Variants in APBA1 observed in about 807,000 individuals in gnomAD.
APBA1 encodes the protein amyloid-beta A4 precursor protein-binding family A member 1.
In APBA1, 55 loss-of-function variants were observed where a neutral mutation model predicts 86.6. The ratio of observed to expected loss-of-function variants is 0.64; its 90% CI spans 0.51 to 0.80. The LOEUF (loss-of-function observed/expected upper bound fraction) is 0.80. Ranked by LOEUF, APBA1 falls within the 30% of genes least tolerant of loss-of-function variation. The pLI is 0.00. For synonymous variants in APBA1, 511 were observed against 493.9 expected (o/e 1.03, Z -0.46); for missense variants, 1,090 against 1,183.0 (o/e 0.92, Z 1.15).
At chr9:69,623,185 T>C (rs904231701) in intron 1 of APBA1, among the ~76,000 whole-genome samples, 1 of 152,090 alleles carries the variant, frequency 6.6e-6, no homozygotes, top group Non-Finnish European at 1.5e-5. Flanking sequence ...TTTTGAAACA[T>C]GGATCTTGGG....
At chr9:69,561,870 G>A (rs1223060495) in intron 1 of APBA1, among the ~76,000 whole-genome samples, 5 of 151,932 alleles carry the variant, frequency 3.3e-5, no homozygotes, top group African/African-American at 7.3e-5. Flanking sequence ...CAGGTGATCC[G>A]CCCATCTCGG....
chr9:69,512,531 C>CTTTTGTAAGAA, intron 2 of APBA1, among the ~76,000 whole-genome samples: 1 of 152,210 alleles, frequency 6.6e-6, no homozygotes, highest in African/African-American at 2.4e-5. Context: ...CAAAATTCTG[C>CTTTTGTAAGAA]TTTTGTAAGA....
intron 2 of APBA1, among the ~76,000 whole-genome samples, chr9:69,511,924 G>A (rs1029406164): frequency 6.6e-6 from 1 of 151,574 alleles, no homozygotes; most frequent in African/African-American, 2.4e-5. Context: ...GGACTGTGGT[G>A]GGGTGGGGGT....
At chr9:69,576,937 AT>A (rs1020767838) in intron 1 of APBA1, among the ~76,000 whole-genome samples, 5 of 152,152 alleles carry the variant, frequency 3.3e-5, no homozygotes, top group Admixed American at 1.3e-4. Context: ...TAATTTTCAA[AT>A]TTTTTTATTT....
At position 69,516,277 on chromosome 9, in the gene APBA1, C is replaced by T. The variant is rs773906297; in HGVS notation, c.934G>A (p.Asp312Asn). 1.3e-5 allele frequency: 19 copies of T among 1,464,036 alleles called. No individual in the cohort carries two copies. The East Asian group carries it at 1.4e-4, about 10-fold the overall frequency. The allele number at this position is 1,464,036 out of a possible 1,614,324, so 90.7% of individuals were successfully genotyped here. A position where few individuals can be genotyped will look rare whatever the true frequency, so the allele number is the denominator to read the frequency against. ...RPPTPAGGRPDSPGLQAPAGQ... is the reference protein window; with the variant it reads ...RPPTPAGGRPNSPGLQAPAGQ... ...GCCGGCGCCTGCAGCCCGGGGCTGT[C>T]GGGGCGACCCCCGGCCGGGGTAGGG... is the stretch of plus-strand genomic sequence containing the variant. Residue 312 changes from aspartate to asparagine, a missense_variant, in exon 2 of 13, where the codon GAC becomes AAC. This residue lies in a region of APBA1 where 678 missense variants were observed against 647.1 expected (regional missense o/e 1.05). Coordinates refer to ENST00000265381, the MANE Select transcript of APBA1 (RefSeq NM_001163.4). This position sits in a 1 kb window ranked among gnomAD's most constrained non-coding sequence, Gnocchi z 7.3.
intron 1 of APBA1, among the ~76,000 whole-genome samples, chr9:69,556,738 G>A (rs1173516045): frequency 6.6e-6 from 1 of 152,162 alleles, no homozygotes; most frequent in African/African-American, 2.4e-5. Flanking sequence ...GGTGATCAAA[G>A]CCTTAATTTA....
chr9:69,636,979 GAAAGAAAA>G lies in APBA1; in HGVS notation c.-70+35166_-70+35173del, dbSNP rs796750388. ...AGAAAGAAAGAAAGAAAGAAAGAAAGAAAGAAAAATGTGATACATATACACAGTGGAGT... is the reference window on the plus strand; with the variant it reads ...AGAAAGAAAGAAAGAAAGAAAGAAAGATGTGATACATATACACAGTGGAGT... On this transcript the variant is annotated intron_variant, in intron 1 of 12. Transcript: ENST00000265381. Among the ~76,000 whole-genome samples, 417 of 148,164 alleles carry G rather than the reference GAAAGAAAA, an allele frequency of 2.8e-3. 12 individuals carry two copies. The highest frequency in any genetic ancestry group is 5.1e-3 in the Admixed American group (74 of 14,464).
rs563069689 is a variant in APBA1 at position 69,564,891 on chromosome 9, A to C, written c.-69-47612T>G. ...ATCAGTGCTCTTAGCAGCATTATTC[A>C]CAACAGTCAAAAAGTAGAAACGACC... On this transcript the variant is annotated intron_variant, in intron 1 of 12. Transcript: ENST00000265381. Among the ~76,000 whole-genome samples, 3 of 152,318 alleles carry C rather than the reference A, an allele frequency of 2.0e-5. No homozygotes were observed. In the South Asian group the frequency reaches 6.2e-4, roughly 32 times the overall value.
intron 1 of APBA1, among the ~76,000 whole-genome samples, chr9:69,542,780 G>C (rs1421369586): frequency 1.3e-5 from 2 of 152,198 alleles, no homozygotes; most frequent in Non-Finnish European, 2.9e-5. Context: ...GTCCAAGTGT[G>C]GGTGATAAAT....
At chr9:69,436,293 T>A in intron 11 of APBA1, among the ~76,000 whole-genome samples, 1 of 150,384 alleles carries the variant, frequency 6.6e-6, no homozygotes, top group African/African-American at 2.4e-5. Flanking sequence ...AATTTTAAAG[T>A]AGTTTTTTCC....
At chr9:69,671,854 C>A (rs1320661050) in intron 1 of APBA1, among the ~76,000 whole-genome samples, 2 of 152,178 alleles carry the variant, frequency 1.3e-5, no homozygotes, top group Non-Finnish European at 2.9e-5. Flanking sequence ...CACACACTCT[C>A]ACACACTCAC....
At chr9:69,522,307 C>G (rs7865302) in intron 1 of APBA1, among the ~76,000 whole-genome samples, 81,664 of 147,826 alleles carry the variant, frequency 0.55, 23,869 homozygotes, top group Non-Finnish European at 0.66. Context: ...TCCCCCACCC[C>G]TCCCACCCAA....
chr9:69,549,810 T>C (rs1335104856), intron 1 of APBA1, among the ~76,000 whole-genome samples: 5 of 152,210 alleles, frequency 3.3e-5, no homozygotes, highest in Admixed American at 2.0e-4. Flanking sequence ...AAGGCTTACA[T>C]TGGGACAGAG....
chr9:69,439,921 C>T (rs561621813), intron 11 of APBA1, among the ~76,000 whole-genome samples: 3 of 152,248 alleles, frequency 2.0e-5, no homozygotes, highest in African/African-American at 7.2e-5. Context: ...GTTTTATCTA[C>T]CTTTGGTCTT....
intron 1 of APBA1, among the ~76,000 whole-genome samples, chr9:69,526,406 G>A (rs1363143832): frequency 2.0e-5 from 3 of 151,882 alleles, no homozygotes; most frequent in African/African-American, 7.3e-5. Context: ...TTAAAACGAG[G>A]AAAAGACATG....
At chr9:69,539,554 C>T (rs113672677) in intron 1 of APBA1, among the ~76,000 whole-genome samples, 1 of 152,222 alleles carries the variant, frequency 6.6e-6, no homozygotes, top group East Asian at 1.9e-4. Flanking sequence ...TCAACAGCTT[C>T]CTAATTTGTC....
intron 2 of APBA1, among the ~76,000 whole-genome samples, chr9:69,485,156 G>C (rs1313156734): frequency 2.0e-5 from 3 of 151,894 alleles, no homozygotes; most frequent in African/African-American, 7.3e-5. Flanking sequence ...CTTTGCCTTT[G>C]ATGACTGTCA....
intron 1 of APBA1, among the ~76,000 whole-genome samples, chr9:69,572,048 A>G (rs1030915209): frequency 6.6e-6 from 1 of 152,208 alleles, no homozygotes; most frequent in African/African-American, 2.4e-5. Context: ...GGGCAGTCCA[A>G]GATAGTGCTG....
chr9:69,440,335 T>C lies in APBA1; in HGVS notation c.2301+661A>G, dbSNP rs1048068909. Among the ~76,000 whole-genome samples, 237 of 152,276 alleles carry C rather than the reference T, an allele frequency of 1.6e-3. 1 individual carries two copies. The highest frequency in any genetic ancestry group is 5.5e-3 in the African/African-American group (229 of 41,548). Reference sequence around the variant, plus strand: ...TGTCAGACAGGGACATTTAAGTCTGTAGAGGTTACTGCTGCCTTTTGTTTG... The same window carrying C: ...TGTCAGACAGGGACATTTAAGTCTGCAGAGGTTACTGCTGCCTTTTGTTTG... On this transcript the variant is annotated intron_variant, in intron 11 of 12. Coordinates refer to ENST00000265381, the MANE Select transcript of APBA1 (RefSeq NM_001163.4).
Sources: allele counts gnomAD v4.1 joint callset (sites outside exome capture counted in the v4.1 genomes callset), GRCh38; gene constraint gnomAD v4.1.1; regional missense constraint gnomAD v4.1.1; non-coding constraint Gnocchi (gnomAD v3.1); transcripts MANE v1.5; gene names NCBI Gene and HGNC (gene_info 2026-07-23, HGNC 2026-07-21).